Variants in SLC8A1 observed in about 807,000 individuals in gnomAD.
The protein encoded by SLC8A1 is sodium/calcium exchanger 1.
In SLC8A1, 18 loss-of-function variants were observed where a neutral mutation model predicts 68.3. The ratio of observed to expected loss-of-function variants is 0.26; its 90% CI spans 0.18 to 0.39. The LOEUF (loss-of-function observed/expected upper bound fraction) is 0.39, where lower values mean the gene tolerates loss of function less well. SLC8A1 is among the 10% of genes least tolerant of loss of function. SLC8A1 has a pLI of 1.00. For missense variants in SLC8A1, 985 were observed against 1,156.7 expected (o/e 0.85, Z 2.15); for synonymous variants, 475 against 415.5 (o/e 1.14, Z -1.74).
At chr2:40,402,537 C>T (rs1689066849) in intron 2 of SLC8A1, among the ~76,000 whole-genome samples, 2 of 152,210 alleles carry the variant, frequency 1.3e-5, no homozygotes, top group South Asian at 2.1e-4. Flanking sequence ...AGAACCCTCT[C>T]TTGGGGTCTG....
At chr2:40,294,943 T>TGACAAAAGGAACA (rs2070065237) in intron 2 of SLC8A1, among the ~76,000 whole-genome samples, 1 of 151,800 alleles carries the variant, frequency 6.6e-6, no homozygotes, top group South Asian at 2.1e-4. Context: ...TCCACCGGGG[T>TGACAAAAGGAACA]GACAAAAGGA....
chr2:40,170,317 C>G lies in SLC8A1; in HGVS notation c.1930+4508G>C, dbSNP rs761119161. The G allele has an allele frequency of 5.0e-6, 8 of 1,613,960 alleles. No individual in the cohort carries two copies. The East Asian group carries it at 1.8e-4, about 36-fold the overall frequency. ...ATTACAGTAGAGAGAATCGGATGTT[C>G]TCTAGCATGAACCTTCCTGAAGACA... On this transcript the variant is annotated intron_variant, in intron 4 of 7. Coordinates refer to ENST00000406785, the Ensembl canonical transcript of SLC8A1.
intron 2 of SLC8A1, among the ~76,000 whole-genome samples, chr2:40,359,339 G>A (rs1266155566): frequency 4.6e-5 from 7 of 151,924 alleles, no homozygotes; most frequent in Admixed American, 3.9e-4. Context: ...TTTTTAAGAC[G>A]ACTCCTAGAA....
intron 2 of SLC8A1, among the ~76,000 whole-genome samples, chr2:40,200,235 TATAAA>T (rs2054032447): frequency 3.4e-5 from 1 of 29,404 alleles, no homozygotes; most frequent in African/African-American, 9.5e-5. Flanking sequence ...TATATATATA[TATAAA>T]TATATATATA....
chr2:40,415,034 C>A (rs992026145), intron 2 of SLC8A1, among the ~76,000 whole-genome samples: 2 of 152,060 alleles, frequency 1.3e-5, no homozygotes. Context: ...GGAATGGACT[C>A]GTATTTAAGG....
chr2:40,448,289 G>A (rs897814072), intron 1 of SLC8A1, among the ~76,000 whole-genome samples: 4 of 152,138 alleles, frequency 2.6e-5, no homozygotes, highest in African/African-American at 7.2e-5. Context: ...GGGAGAGAAA[G>A]AGAGAAAAAG....
chr2:40,160,903 G>C (rs549089833), intron 5 of SLC8A1, 39 bp from the exon 9 acceptor site: 17 of 1,459,428 alleles, frequency 1.2e-5, no homozygotes, highest in Admixed American at 3.4e-5. Flanking sequence ...TGCTGGGTTC[G>C]CTAAGGCCTC....
intron 2 of SLC8A1, among the ~76,000 whole-genome samples, chr2:40,226,094 T>G (rs1574336010): frequency 6.6e-6 from 1 of 152,092 alleles, no homozygotes; most frequent in South Asian, 2.1e-4. Context: ...TTACATTACA[T>G]GAGATGACAG....
intron 1 of SLC8A1, among the ~76,000 whole-genome samples, chr2:40,491,151 A>G (rs1011886172): frequency 6.6e-6 from 1 of 152,130 alleles, no homozygotes; most frequent in Non-Finnish European, 1.5e-5. Context: ...CTCTTATTTT[A>G]TAGTCAAAGA....
rs371423903 is a variant in SLC8A1, at chr2:40,396,525, G to A, written c.1808+31948C>T. On this transcript the variant is annotated intron_variant, in intron 2 of 7. Transcript: ENST00000406785. ...TTGAAAGCAATGGATTACAAAACAA[G>A]ACTGCATCAAAGCATAACACGCAAC... Among the ~76,000 whole-genome samples, 11 of 151,926 alleles carry A rather than the reference G, an allele frequency of 7.2e-5. No individual in the cohort carries two copies. In the East Asian group the frequency reaches 1.2e-3, roughly 16 times the overall value.
intron 2 of SLC8A1, among the ~76,000 whole-genome samples, chr2:40,274,200 ATG>A (rs2149151826): frequency 1.3e-5 from 2 of 148,868 alleles, no homozygotes; most frequent in East Asian, 3.9e-4. Context: ...TTTGTTCTCC[ATG>A]ATCACATTTG....
chr2:40,318,296 C>A (rs1041463370), intron 2 of SLC8A1, among the ~76,000 whole-genome samples: 1 of 151,940 alleles, frequency 6.6e-6, no homozygotes, highest in African/African-American at 2.4e-5. Context: ...TAGAGCCTCT[C>A]CTGAAAGAGG....
chr2:40,346,804 A>G (rs930171900), intron 2 of SLC8A1, among the ~76,000 whole-genome samples: 4 of 152,180 alleles, frequency 2.6e-5, no homozygotes, highest in Non-Finnish European at 4.4e-5. Flanking sequence ...TTGTAGCTCA[A>G]TGATCTTTCT....
chr2:40,510,703 C>G (rs1706667354), intron 1 of SLC8A1, among the ~76,000 whole-genome samples: 1 of 152,114 alleles, frequency 6.6e-6, no homozygotes, highest in Non-Finnish European at 1.5e-5. Context: ...TTCTCTCTCT[C>G]TCTTTCTAAC....
chr2:40,126,015 G>C (rs2038013535), intron 7 of SLC8A1, among the ~76,000 whole-genome samples: 1 of 152,150 alleles, frequency 6.6e-6, no homozygotes, highest in African/African-American at 2.4e-5. Context: ...GTTACCCTTA[G>C]TTTCATTTTG....
At chr2:40,300,525 G>A (rs6544318) in intron 2 of SLC8A1, among the ~76,000 whole-genome samples, 74,744 of 152,018 alleles carry the variant, frequency 0.49, 20,456 homozygotes, top group East Asian at 0.72. Flanking sequence ...GTGCCTCAGC[G>A]TAAGTCTGAA....
intron 2 of SLC8A1, among the ~76,000 whole-genome samples, chr2:40,288,862 T>TA (rs2068778875): frequency 7.9e-6 from 1 of 125,844 alleles, no homozygotes; most frequent in African/African-American, 3.4e-5. Context: ...TGTATATATA[T>TA]GATTTTTTTT....
At chr2:40,318,863 T>C (rs571663552) in intron 2 of SLC8A1, among the ~76,000 whole-genome samples, 16 of 152,230 alleles carry the variant, frequency 1.1e-4, no homozygotes, top group African/African-American at 3.9e-4. Context: ...TGGAAGTTGT[T>C]CTTTTTTTTC....
At chr2:40,296,456 T>C (rs1400552610) in intron 2 of SLC8A1, among the ~76,000 whole-genome samples, 1 of 152,164 alleles carries the variant, frequency 6.6e-6, no homozygotes, top group Admixed American at 6.6e-5. Context: ...AAAACACTTT[T>C]AAGAAATAAA....
Sources: allele counts gnomAD v4.1 joint callset (sites outside exome capture counted in the v4.1 genomes callset), GRCh38; gene constraint gnomAD v4.1.1; transcripts MANE v1.5; gene names NCBI Gene and HGNC (gene_info 2026-07-23, HGNC 2026-07-21).